ATP2A1: variants seen among roughly 807,000 people sequenced by gnomAD.
ATP2A1 encodes the protein ATPase sarcoplasmic/endoplasmic reticulum Ca2+ transporting 1.
A neutral mutation model predicts 109.5 loss-of-function variants in ATP2A1; 83 were observed. That is an observed-to-expected ratio of 0.76 (90% CI 0.63 to 0.91). The LOEUF is 0.91. ATP2A1 is among the 40% of genes least tolerant of loss of function. The pLI, the probability that ATP2A1 is intolerant of heterozygous loss-of-function variation, is 0.00. For missense variants in ATP2A1, 1,101 were observed against 1,341.0 expected, an observed-to-expected ratio of 0.82 and a Z score of 2.80; for synonymous variants, 505 against 537.6, an observed-to-expected ratio of 0.94 and a Z score of 0.84.
chr16:28,899,820 C>T (rs933669126), intron 14 of ATP2A1, among the ~76,000 whole-genome samples: 1 of 151,052 alleles, frequency 6.6e-6, no homozygotes, highest in Non-Finnish European at 1.5e-5. Context: ...ATTAGCCAGG[C>T]GTGGTGGTGC....
At position 28,888,900 on chromosome 16, in the gene ATP2A1, A is replaced by G. The variant is rs1258265490; in HGVS notation, c.1042A>G (p.Ile348Val). The G allele has an allele frequency of 1.2e-6, 2 of 1,614,086 alleles. 1 individual carries two copies. Among genetic ancestry groups the G allele is most frequent in the South Asian group, 2.2e-5 (2 of 91,076 alleles). ...SVETLGCTSV[I>V]CSDKTGTLTT... ...AGAGACCCTGGGCTGCACCTCTGTC[A>G]TCTGTTCCGACAAGACAGGCACCCT... Residue 348 changes from isoleucine (I) to valine (V), a missense_variant, in exon 9 of 23, where the codon ATC becomes GTC. Transcript: ENST00000395503.
intron 8 of ATP2A1, among the ~76,000 whole-genome samples, chr16:28,888,192 C>G (rs1479858057): frequency 6.6e-6 from 1 of 152,086 alleles, no homozygotes; most frequent in Non-Finnish European, 1.5e-5. Context: ...GCCACCATGC[C>G]TGGCTAATTT....
Position 28,880,198 on chromosome 16 carries a change from T to G in ATP2A1, c.219+615T>G. 2.2e-6 allele frequency: 2 copies of G among 915,298 alleles called. No individual in the cohort carries two copies. Among genetic ancestry groups the G allele is most frequent in the Non-Finnish European group, 2.6e-6 (2 of 762,588 alleles). The allele number at this position is 915,298 out of a possible 1,614,324, so 56.7% of individuals were successfully genotyped here. A position where few individuals can be genotyped will look rare whatever the true frequency, so the allele number is the denominator to read the frequency against. ...CCCCCGCAGGGCATCTCCAGGGCTC[T>G]GCCTCCTCTCCCGCCCTGGGGGCTA... On this transcript the variant is annotated intron_variant, in intron 3 of 22. Coordinates refer to ENST00000395503, the MANE Select transcript of ATP2A1 (RefSeq NM_004320.6). The surrounding 1 kb of genome is among the most constrained non-coding windows in gnomAD (Gnocchi z 4.2).
At position 28,879,571 on chromosome 16, in the gene ATP2A1, A is replaced by C. The variant is rs767648658; in HGVS notation, c.207A>C (p.Ala69=). The change falls in exon 3 of 23, where the codon GCA becomes GCC. Residue 69 remains alanine (A), a synonymous_variant. Transcript: ENST00000395503. ...TGGTGCGGATTCTCCTCCTGGCCGC[A>C]TGCATTTCCTTCGTAAGTGTGGGAG... ...DLLVRILLLA[A]CISFVLAWFE... The C allele has an allele frequency of 1.4e-5, 23 of 1,614,002 alleles. No homozygotes were observed. Among genetic ancestry groups the C allele is most frequent in the Non-Finnish European group, 1.9e-5 (22 of 1,180,010 alleles).
In ATP2A1 at chr16:28,878,644, C is replaced by A. The variant is rs1308937694; in HGVS notation, c.-28C>A. On this transcript the variant is annotated 5_prime_UTR_variant, in exon 1 of 23. Coordinates refer to ENST00000395503, the MANE Select transcript of ATP2A1 (RefSeq NM_004320.6). ...TGGGAACCCCCTGGAAGGAACACAC[C>A]GGCCCCGGCCCCCAGGAAGGGAGCA... The A allele has an allele frequency of 1.9e-6, 3 of 1,563,426 alleles. No individual in the cohort carries two copies. The highest frequency in any genetic ancestry group is 2.3e-5 in the South Asian group (2 of 86,348).
chr16:28,892,913 G>A (rs1237600784), intron 9 of ATP2A1, among the ~76,000 whole-genome samples: 3 of 152,010 alleles, frequency 2.0e-5, no homozygotes, highest in Non-Finnish European at 4.4e-5. Flanking sequence ...GCGTGGTGGC[G>A]TATGCCTGTA....
At position 28,879,121 on chromosome 16, in the gene ATP2A1, G is replaced by A; in HGVS notation, c.136+5G>A. The A allele has an allele frequency of 6.2e-7, 1 of 1,614,030 alleles. No homozygotes were observed. Among genetic ancestry groups the A allele is most frequent in the Non-Finnish European group, 8.5e-7 (1 of 1,179,982 alleles). ...TAGAGCTCCCTGCTGAGGAAGGTAA[G>A]TTACTGGAATCCCTGAACTCTCATA... On this transcript the variant is annotated splice_donor_5th_base_variant and intron_variant, in intron 2 of 22. Transcript: ENST00000395503.
chr16:28,888,252 C>T (rs538147011), intron 8 of ATP2A1, among the ~76,000 whole-genome samples: 1 of 152,150 alleles, frequency 6.6e-6, no homozygotes, highest in African/African-American at 2.4e-5. Context: ...AGGCTGGTCT[C>T]GAACTCCTGG....
intron 6 of ATP2A1, 43 bp downstream of exon 6, chr16:28,884,698 G>A: frequency 6.5e-7 from 1 of 1,549,368 alleles, no homozygotes; most frequent in Non-Finnish European, 8.9e-7. Context: ...GTGGGACGTG[G>A]GGAGGAAGAG....
rs1025569496 is a variant in ATP2A1, at chr16:28,880,528, C to CG, written c.220-382dup. Among the ~76,000 whole-genome samples the CG allele has an allele frequency of 6.6e-6, 1 of 151,358 alleles. No homozygotes were observed. The highest frequency in any genetic ancestry group is 1.5e-5 in the Non-Finnish European group (1 of 67,366). On this transcript the variant is annotated intron_variant, in intron 3 of 22. Coordinates refer to ENST00000395503, the MANE Select transcript of ATP2A1 (RefSeq NM_004320.6). The surrounding 1 kb of genome is among the most constrained non-coding windows in gnomAD (Gnocchi z 4.2). ...CTGCCTTGGCCGAGGGGGAGGGCTG[C>CG]GGGGGCCAGACCGCCTGCGAAGACC...
intron 8 of ATP2A1, among the ~76,000 whole-genome samples, chr16:28,888,080 C>G (rs534324599): frequency 6.6e-6 from 1 of 150,810 alleles, no homozygotes; most frequent in African/African-American, 2.4e-5. Context: ...GGATTACAGG[C>G]GTGAGCCACC....
At chr16:28,881,208 T>C (rs537674310) in intron 4 of ATP2A1, among the ~76,000 whole-genome samples, 189 bp downstream of exon 4, 20 of 152,280 alleles carry the variant, frequency 1.3e-4, no homozygotes, top group African/African-American at 4.6e-4. Context: ...ACTTCCTGGC[T>C]ATGTGACCCT....
intron 9 of ATP2A1, among the ~76,000 whole-genome samples, chr16:28,893,658 T>G (rs1446746421): frequency 1.4e-5 from 2 of 147,438 alleles, no homozygotes; most frequent in East Asian, 2.0e-4. Context: ...TTTTTTTGTT[T>G]TTTTTTTTTT....
chr16:28,878,558 G>C lies in ATP2A1; in HGVS notation c.-114G>C. ...AGAAAAACCTGGAGGGGGCAGGAGA[G>C]TAAAAAGAAGAAACCCAGGCAGACA... On this transcript the variant is annotated 5_prime_UTR_variant, in exon 1 of 23. Coordinates refer to ENST00000395503, the MANE Select transcript of ATP2A1 (RefSeq NM_004320.6). 5 of 930,344 alleles carry C rather than the reference G, an allele frequency of 5.4e-6. No individual in the cohort carries two copies. Among genetic ancestry groups the C allele is most frequent in the Non-Finnish European group, 8.5e-6 (5 of 587,118 alleles). The allele number at this position is 930,344 out of a possible 1,614,324, so 57.6% of individuals were successfully genotyped here.
In ATP2A1 at chr16:28,902,168, C is replaced by T. The variant is rs535131063; in HGVS notation, c.2322-16C>T. 1.2e-5 allele frequency: 19 copies of T among 1,614,068 alleles called. No homozygotes were observed. In the Admixed American group the frequency reaches 3.2e-4, roughly 27 times the overall value. ...CTGGGAGGCAGGACAGAGGTGTGAC[C>T]ACCTCCTTCCCACAGTATCTTCCTG... is the stretch of plus-strand genomic sequence containing the variant. On this transcript the variant is annotated splice_polypyrimidine_tract_variant and intron_variant, in intron 16 of 22. Transcript: ENST00000395503. This position sits in a 1 kb window ranked among gnomAD's most constrained non-coding sequence, Gnocchi z 4.8.
chr16:28,880,087 G>C lies in ATP2A1; in HGVS notation c.219+504G>C. On this transcript the variant is annotated intron_variant, in intron 3 of 22. Coordinates refer to ENST00000395503, the MANE Select transcript of ATP2A1 (RefSeq NM_004320.6). The surrounding 1 kb of genome is among the most constrained non-coding windows in gnomAD (Gnocchi z 4.2). The stretch of plus-strand genomic sequence containing the variant: ...GTGTGATGATGACTCCAAGGAGCCC[G>C]GCGCCCGGTCAGGGAGGGCACTGGC... 1.0e-6 allele frequency: 1 copy of C among 996,814 alleles called. No homozygotes were observed. The highest frequency in any genetic ancestry group is 1.2e-6 in the Non-Finnish European group (1 of 839,090). 61.7% of individuals were successfully genotyped at this position (996,814 alleles called of 1,614,324 possible). A position where few individuals can be genotyped will look rare whatever the true frequency, so the allele number is the denominator to read the frequency against.
In ATP2A1 at chr16:28,879,075, CCTTTT is replaced by C. The variant is rs1448758960; in HGVS notation, c.119-20_119-16del. The C allele has an allele frequency of 6.2e-7, 1 of 1,613,918 alleles. No individual in the cohort carries two copies. Among genetic ancestry groups the C allele is most frequent in the Non-Finnish European group, 8.5e-7 (1 of 1,179,996 alleles). ...GAGGCTGAACCCCAAATGAATCTGT[CCTTTT>C]CTTCTTTTTCCTGGGTAGAGCTCCC... On this transcript the variant is annotated intron_variant, in intron 1 of 22. Coordinates refer to ENST00000395503, the MANE Select transcript of ATP2A1 (RefSeq NM_004320.6).
At chr16:28,894,746 T>G in intron 11 of ATP2A1, 76 bp from the exon 12 acceptor site, 1 of 1,605,086 alleles carries the variant, frequency 6.2e-7, no homozygotes, top group Non-Finnish European at 8.5e-7. Flanking sequence ...GCTTCCTTCT[T>G]ACGCTAGGTG....
rs1159477637 is a variant in ATP2A1 at position 28,888,921 on chromosome 16, A to AC, written c.1066dup (p.Leu356ProfsTer15). On this transcript the variant is annotated frameshift_variant, in exon 9 of 23. Coordinates refer to ENST00000395503, the MANE Select transcript of ATP2A1 (RefSeq NM_004320.6). LOFTEE classifies it high-confidence loss of function. Reference sequence around the variant, plus strand: ...TGTCATCTGTTCCGACAAGACAGGCACCCTCACCACCAACCAGATGTCTGT... The same window carrying AC: ...TGTCATCTGTTCCGACAAGACAGGCACCCCTCACCACCAACCAGATGTCTGT... 6.2e-7 allele frequency: 1 copy of AC among 1,614,086 alleles called. No homozygotes were observed. The highest frequency in any genetic ancestry group is 8.5e-7 in the Non-Finnish European group (1 of 1,180,010).
Sources: allele counts gnomAD v4.1 joint callset (sites outside exome capture counted in the v4.1 genomes callset), GRCh38; gene constraint gnomAD v4.1.1; non-coding constraint Gnocchi (gnomAD v3.1); transcripts MANE v1.5; gene names NCBI Gene and HGNC (gene_info 2026-07-23, HGNC 2026-07-21).